Variants in DAB1 observed in about 807,000 individuals in gnomAD.
DAB1 encodes disabled homolog 1.
A neutral mutation model predicts 64.6 loss-of-function variants in DAB1; 15 were observed. The ratio of observed to expected loss-of-function variants is 0.23; its 90% CI spans 0.16 to 0.36. The LOEUF is 0.36. Ranked by LOEUF, DAB1 falls within the 10% of genes least tolerant of loss-of-function variation. The probability of loss-of-function intolerance (pLI) is 1.00; values close to 1 mark genes in which losing one functional copy is unlikely to be tolerated. For synonymous variants in DAB1, 235 were observed against 251.9 expected (o/e 0.93, Z 0.64); for missense variants, 596 against 706.7 (o/e 0.84, Z 1.78).
chr1:58,348,074 T>C (rs2100512224), intron 3 of DAB1, among the ~76,000 whole-genome samples: 1 of 152,264 alleles, frequency 6.6e-6, no homozygotes, highest in East Asian at 1.9e-4. Flanking sequence ...TACTTGCTAA[T>C]GCTAGGATGA....
chr1:58,300,646 G>GGAAGGAAGGA (rs1553173952), intron 4 of DAB1, among the ~76,000 whole-genome samples: 27 of 57,336 alleles, frequency 4.7e-4, no homozygotes, highest in Admixed American at 7.0e-4. Context: ...GAGAGAGAGA[G>GGAAGGAAGGA]AGGAAGGAAG....
intron 6 of DAB1, among the ~76,000 whole-genome samples, chr1:57,748,245 T>G (rs1439710867): frequency 6.6e-6 from 1 of 152,076 alleles, no homozygotes; most frequent in African/African-American, 2.4e-5. Flanking sequence ...CAGGTACAGG[T>G]GTGATTCATT....
intron 3 of DAB1, among the ~76,000 whole-genome samples, chr1:58,504,284 C>G (rs1213441703): frequency 6.6e-6 from 1 of 152,168 alleles, no homozygotes; most frequent in Non-Finnish European, 1.5e-5. Context: ...TCCATTCAGC[C>G]CCAATGTCTT....
At chr1:58,044,127 C>T (rs775248631) in intron 5 of DAB1, among the ~76,000 whole-genome samples, 13 of 152,154 alleles carry the variant, frequency 8.5e-5, no homozygotes, top group Non-Finnish European at 1.9e-4. Context: ...AACAACATTT[C>T]CTTAGCTTCC....
intron 1 of DAB1, among the ~76,000 whole-genome samples, chr1:57,840,533 T>C (rs1047467831): frequency 6.6e-6 from 1 of 152,090 alleles, no homozygotes; most frequent in African/African-American, 2.4e-5. Flanking sequence ...AAGAACTACT[T>C]GAGACTGGGT....
chr1:57,083,919 T>C (rs1003331764), intron 4 of DAB1, among the ~76,000 whole-genome samples: 30 of 152,214 alleles, frequency 2.0e-4, no homozygotes, highest in Non-Finnish European at 3.7e-4. Flanking sequence ...TGTGAGTTCA[T>C]TCAATTGAAG....
chr1:57,269,545 G>A (rs1032289741), intron 2 of DAB1, among the ~76,000 whole-genome samples: 5 of 152,100 alleles, frequency 3.3e-5, no homozygotes, highest in Admixed American at 6.5e-5. Context: ...GAGGCCCTAC[G>A]TAGGTATGTC....
intron 6 of DAB1, among the ~76,000 whole-genome samples, chr1:57,672,276 C>T (rs184026177): frequency 1.6e-4 from 25 of 152,270 alleles, no homozygotes; most frequent in Non-Finnish European, 3.4e-4. Flanking sequence ...TTATCATCCC[C>T]TGCTGAAGCG....
chr1:57,886,592 T>C (rs1216638319), upstream of DAB1, among the ~76,000 whole-genome samples: 1 of 152,214 alleles, frequency 6.6e-6, no homozygotes. Flanking sequence ...TAACACTCTC[T>C]GTAAGTCATA....
At chr1:57,997,935 A>G (rs1646451394) in intron 5 of DAB1, among the ~76,000 whole-genome samples, 1 of 151,952 alleles carries the variant, frequency 6.6e-6, no homozygotes, top group Non-Finnish European at 1.5e-5. Flanking sequence ...TTGCACATGA[A>G]CAAATCACTG....
intron 6 of DAB1, among the ~76,000 whole-genome samples, chr1:57,729,706 A>T (rs1036585307): frequency 2.0e-5 from 3 of 152,204 alleles, no homozygotes; most frequent in Non-Finnish European, 4.4e-5. Flanking sequence ...GCCTTCTGCA[A>T]ACATTATAAT....
Position 57,852,075 on chromosome 1 carries a change from T to G in DAB1, n.88-25620A>C, listed in dbSNP as rs114785758. Among the ~76,000 whole-genome samples the G allele has an allele frequency of 2.1e-3, 315 of 152,310 alleles. 2 individuals are homozygous for G. Among genetic ancestry groups the G allele is most frequent in the African/African-American group, 7.0e-3 (293 of 41,566 alleles). On this transcript the variant is annotated intron_variant and non_coding_transcript_variant, in intron 1 of 1. Transcript: ENST00000477280. ...CTTCTGACCTTCCCTGGCCCTCCTG[T>G]CCCTTCCTCTTCTTTCTCCCCTGAG...
chr1:57,169,650 C>T (rs901941662), intron 2 of DAB1, among the ~76,000 whole-genome samples: 8 of 152,102 alleles, frequency 5.3e-5, no homozygotes, highest in African/African-American at 1.9e-4. Flanking sequence ...TAGCCAGAAC[C>T]CCCAATCCTC....
intron 3 of DAB1, among the ~76,000 whole-genome samples, chr1:58,358,418 G>GA (rs532649468): frequency 6.6e-6 from 1 of 152,016 alleles, no homozygotes; most frequent in South Asian, 2.1e-4. Context: ...ACAGGAGGGA[G>GA]AAAAAAAGCA....
intron 1 of DAB1, among the ~76,000 whole-genome samples, chr1:57,336,514 G>A (rs1012314851): frequency 3.3e-5 from 5 of 152,236 alleles, no homozygotes; most frequent in Admixed American, 3.3e-4. Context: ...CTAGGAAGGA[G>A]TTTTGATTCC....
intron 4 of DAB1, among the ~76,000 whole-genome samples, chr1:58,310,873 G>T (rs536836790): frequency 1.8e-4 from 28 of 152,236 alleles, no homozygotes; most frequent in African/African-American, 6.7e-4. Context: ...AGAGACAGAG[G>T]TCAGGTAAAA....
rs574438911 is a variant in DAB1 at position 57,049,450 on chromosome 1, C to CAAAAAAAAAAAAAAAAAAAA, written c.723+13414_723+13433dup. 8.1e-5 allele frequency among the ~76,000 whole-genome samples: 2 copies of CAAAAAAAAAAAAAAAAAAAA among 24,586 alleles called. 1 individual carries two copies. The highest frequency in any genetic ancestry group is 1.4e-4 in the Non-Finnish European group (2 of 13,876). 16.1% of individuals were successfully genotyped at this position (24,586 alleles called of 152,430 possible). A position where few individuals can be genotyped will look rare whatever the true frequency, so the allele number is the denominator to read the frequency against. ...TGGGCAACAGAGCAAGACTCCGTCT[C>CAAAAAAAAAAAAAAAAAAAA]AAAAAAAAAAAAAAAAAAAAAAAAA... On this transcript the variant is annotated intron_variant, in intron 9 of 14. Coordinates refer to ENST00000371236, the MANE Select transcript of DAB1 (RefSeq NM_001365792.1).
chr1:58,354,954 T>C (rs1644096138), intron 3 of DAB1, among the ~76,000 whole-genome samples: 1 of 152,170 alleles, frequency 6.6e-6, no homozygotes, highest in South Asian at 2.1e-4. Context: ...TCTAAGTTAG[T>C]TGATTTTTCA....
At chr1:57,497,953 G>A in intron 7 of DAB1, among the ~76,000 whole-genome samples, 1 of 152,330 alleles carries the variant, frequency 6.6e-6, no homozygotes, top group South Asian at 2.1e-4. Flanking sequence ...AGAATGATCA[G>A]TCAGGAGGCC....
Sources: allele counts gnomAD v4.1 joint callset (sites outside exome capture counted in the v4.1 genomes callset), GRCh38; gene constraint gnomAD v4.1.1; transcripts MANE v1.5; gene names NCBI Gene and HGNC (gene_info 2026-07-23, HGNC 2026-07-21).